Variants in KCNMB2 observed in about 807,000 individuals in gnomAD.
KCNMB2 encodes potassium calcium-activated channel subfamily M regulatory beta subunit 2.
Under a neutral mutation model 24.5 loss-of-function variants are expected in KCNMB2, and 9 were observed. That is an observed-to-expected ratio of 0.37 (90% CI 0.22 to 0.64). The LOEUF is 0.64. Among genes scored for constraint, KCNMB2 ranks in the 30% least tolerant of loss-of-function variants. The pLI is 0.63. For missense variants in KCNMB2, 226 were observed against 284.3 expected (o/e 0.79, Z 1.47); for synonymous variants, 109 against 104.4 (o/e 1.04, Z -0.27).
chr3:178,742,497 G>A (rs1053511613), intron 1 of KCNMB2, among the ~76,000 whole-genome samples: 2 of 152,046 alleles, frequency 1.3e-5, no homozygotes, highest in South Asian at 2.1e-4. Context: ...ATTATTTTTG[G>A]TCGAGGCAAA....
At chr3:178,581,173 A>T (rs919877776) in intron 1 of KCNMB2, among the ~76,000 whole-genome samples, 1 of 152,230 alleles carries the variant, frequency 6.6e-6, no homozygotes, top group African/African-American at 2.4e-5. Context: ...ACAGAGAGAT[A>T]GACCAATGGA....
At chr3:178,546,528 G>C (rs1715780418) in intron 1 of KCNMB2, among the ~76,000 whole-genome samples, 1 of 152,126 alleles carries the variant, frequency 6.6e-6, no homozygotes, top group African/African-American at 2.4e-5. Flanking sequence ...ACGTCCTAAG[G>C]TGTCTACACG....
chr3:178,537,528 A>G (rs1198290590), intron 1 of KCNMB2: 2 of 152,260 alleles, frequency 1.3e-5, no homozygotes, highest in Non-Finnish European at 2.9e-5. Flanking sequence ...GTTGGGTTCC[A>G]AAGTCCAGTC....
intron 1 of KCNMB2, among the ~76,000 whole-genome samples, chr3:178,757,287 AG>A (rs1724103160): frequency 8.8e-6 from 1 of 113,764 alleles, no homozygotes; most frequent in African/African-American, 3.1e-5. Context: ...CATATATCCA[AG>A]AGGATATATA....
At chr3:178,779,510 T>C (rs1397252659) in intron 1 of KCNMB2, among the ~76,000 whole-genome samples, 3 of 152,236 alleles carry the variant, frequency 2.0e-5, no homozygotes, top group Non-Finnish European at 4.4e-5. Flanking sequence ...TCAAACGTCA[T>C]AGTCAATATG....
At chr3:178,539,769 C>T (rs375056788) in intron 1 of KCNMB2, among the ~76,000 whole-genome samples, 18 of 151,446 alleles carry the variant, frequency 1.2e-4, no homozygotes, top group Non-Finnish European at 2.2e-4. Flanking sequence ...TGCATGTGTG[C>T]GTGTGTGTGT....
At chr3:178,556,571 A>G (rs1716131710) in intron 1 of KCNMB2, among the ~76,000 whole-genome samples, 1 of 151,910 alleles carries the variant, frequency 6.6e-6, no homozygotes, top group African/African-American at 2.4e-5. Flanking sequence ...CGCCCAGCTA[A>G]TTTTTTTGTA....
At chr3:178,631,562 G>A (rs1176526428) in intron 1 of KCNMB2, among the ~76,000 whole-genome samples, 1 of 152,194 alleles carries the variant, frequency 6.6e-6, no homozygotes, top group Non-Finnish European at 1.5e-5. Context: ...TCGGGGGGTC[G>A]ATGGATGGGC....
chr3:178,575,929 G>T (rs1716972965), intron 1 of KCNMB2, among the ~76,000 whole-genome samples: 1 of 152,014 alleles, frequency 6.6e-6, no homozygotes. Flanking sequence ...TTCTACAGCT[G>T]GATCTCACAG....
chr3:178,555,078 TC>T (rs1200238017), intron 1 of KCNMB2, among the ~76,000 whole-genome samples: 2 of 137,386 alleles, frequency 1.5e-5, no homozygotes, highest in African/African-American at 5.8e-5. Context: ...GTCTGACAGA[TC>T]AGAGGAGCTG....
intron 1 of KCNMB2, among the ~76,000 whole-genome samples, chr3:178,552,125 C>T (rs1715973990): frequency 6.6e-6 from 1 of 152,208 alleles, no homozygotes; most frequent in Non-Finnish European, 1.5e-5. Flanking sequence ...TTAGAATTCC[C>T]TTTGTATATG....
chr3:178,623,927 C>A (rs1175480756), intron 1 of KCNMB2, among the ~76,000 whole-genome samples: 1 of 152,180 alleles, frequency 6.6e-6, no homozygotes, highest in Non-Finnish European at 1.5e-5. Context: ...TGCCCAGGAG[C>A]TCTCCTGAGA....
intron 1 of KCNMB2, among the ~76,000 whole-genome samples, chr3:178,718,913 C>G (rs191622287): frequency 2.6e-5 from 4 of 152,288 alleles, no homozygotes; most frequent in African/African-American, 7.2e-5. Context: ...CTAATGAGAT[C>G]TATCCCATCA....
intron 1 of KCNMB2, among the ~76,000 whole-genome samples, chr3:178,672,369 T>A (rs1033596496): frequency 2.6e-5 from 4 of 152,180 alleles, no homozygotes; most frequent in Non-Finnish European, 5.9e-5. Flanking sequence ...AAGAGGCAGC[T>A]GGAATTACAA....
At chr3:178,817,921 T>C (rs185753291) in intron 2 of KCNMB2, among the ~76,000 whole-genome samples, 36 of 152,342 alleles carry the variant, frequency 2.4e-4, no homozygotes, top group Middle Eastern at 3.4e-3. Flanking sequence ...AAAGATGTGG[T>C]CTGTCTTTAA....
intron 1 of KCNMB2, among the ~76,000 whole-genome samples, chr3:178,589,829 G>T (rs773202943): frequency 6.6e-6 from 1 of 152,152 alleles, no homozygotes; most frequent in Non-Finnish European, 1.5e-5. Flanking sequence ...AACTTTGGAC[G>T]CAGAGTAATT....
chr3:178,640,151 TG>T (rs1404310065), intron 1 of KCNMB2, among the ~76,000 whole-genome samples: 1 of 152,156 alleles, frequency 6.6e-6, no homozygotes, highest in Non-Finnish European at 1.5e-5. Context: ...CACAATGAAA[TG>T]GGCACAAGAC....
chr3:178,716,997 G>GATC (rs1375929675), intron 1 of KCNMB2, among the ~76,000 whole-genome samples: 4 of 150,888 alleles, frequency 2.7e-5, no homozygotes, highest in Non-Finnish European at 5.9e-5. Flanking sequence ...TAAGTTAAAT[G>GATC]ATCAGCTTGT....
chr3:178,572,799 A>G (rs1175118110), intron 1 of KCNMB2, among the ~76,000 whole-genome samples: 2 of 152,212 alleles, frequency 1.3e-5, no homozygotes. Flanking sequence ...TAACCTAATC[A>G]AGTCATAGTC....
Sources: allele counts gnomAD v4.1 joint callset (sites outside exome capture counted in the v4.1 genomes callset), GRCh38; gene constraint gnomAD v4.1.1; transcripts MANE v1.5; gene names NCBI Gene and HGNC (gene_info 2026-07-23, HGNC 2026-07-21).